The following SNX19 variants were observed in gnomAD, a reference collection of about 807,000 sequenced individuals.
SNX19 encodes the protein sorting nexin-19.
In SNX19, 60 loss-of-function variants were observed where a neutral mutation model predicts 85.2. That is an observed-to-expected ratio of 0.70 (90% CI 0.57 to 0.87). The LOEUF is 0.87. Among genes scored for constraint, SNX19 ranks in the 40% least tolerant of loss-of-function variants. The probability of loss-of-function intolerance (pLI) is 0.00; values close to 1 mark genes in which losing one functional copy is unlikely to be tolerated. For synonymous variants in SNX19, 520 were observed against 470.0 expected, an observed-to-expected ratio of 1.11 and a Z score of -1.38; for missense variants, 1,201 against 1,217.8, an observed-to-expected ratio of 0.99 and a Z score of 0.21.
At chr11:130,901,425 A>G (rs1010526836) in intron 8 of SNX19, among the ~76,000 whole-genome samples, 1 of 152,210 alleles carries the variant, frequency 6.6e-6, no homozygotes, top group African/African-American at 2.4e-5. Flanking sequence ...TGCTTAATAT[A>G]TGAAAAATGT....
At position 130,915,969 on chromosome 11, in the gene SNX19, T is replaced by G; in HGVS notation, c.-30A>C. ...GAACGGACAAGGTGGCTTCCCCAGATGACAGCCCTCAAGATTTTACTTCAG... is the reference window on the plus strand; with the variant it reads ...GAACGGACAAGGTGGCTTCCCCAGAGGACAGCCCTCAAGATTTTACTTCAG... On this transcript the variant is annotated 5_prime_UTR_variant, in exon 1 of 11. Transcript: ENST00000265909. The G allele has an allele frequency of 6.3e-7, 1 of 1,586,928 alleles. No homozygotes were observed.
intron 8 of SNX19, among the ~76,000 whole-genome samples, chr11:130,891,029 T>C (rs1346950625): frequency 6.6e-6 from 1 of 151,912 alleles, no homozygotes; most frequent in Non-Finnish European, 1.5e-5. Context: ...CAGTTCAAAA[T>C]AGGTTCTGCA....
chr11:130,895,907 G>A (rs1944846550), intron 8 of SNX19, among the ~76,000 whole-genome samples: 1 of 152,192 alleles, frequency 6.6e-6, no homozygotes, highest in African/African-American at 2.4e-5. Context: ...CATATGACAG[G>A]GGAAACTGCT....
At chr11:130,884,764 G>A (rs1421292625) in intron 8 of SNX19, among the ~76,000 whole-genome samples, 5 of 151,556 alleles carry the variant, frequency 3.3e-5, no homozygotes, top group Middle Eastern at 6.8e-3. Flanking sequence ...CCAGCTACTC[G>A]GGGAGGCTGA....
Position 130,914,322 on chromosome 11 carries a change from T to C in SNX19, c.1618A>G (p.Thr540Ala). The C allele has an allele frequency of 6.2e-7, 1 of 1,611,322 alleles. No individual in the cohort carries two copies. Among genetic ancestry groups the C allele is most frequent in the Non-Finnish European group, 8.5e-7 (1 of 1,178,600 alleles). ...IQNLRITGTI[T>A]AREHSGTGFH... ...CCAGTGCCACTGTGCTCTCGGGCTG[T>C]AATGGTGCCAGTGATACGAAGGTTC... Residue 540 changes from threonine (T) to alanine (A), a missense_variant, in exon 1 of 11, where the codon ACA (threonine) becomes GCA (alanine). Coordinates refer to ENST00000265909, the MANE Select transcript of SNX19 (RefSeq NM_014758.3).
chr11:130,887,714 GACA>G (rs1301338831), intron 8 of SNX19, among the ~76,000 whole-genome samples: 2 of 152,112 alleles, frequency 1.3e-5, no homozygotes, highest in African/African-American at 4.8e-5. Flanking sequence ...TCTTCCAAAA[GACA>G]ACATTTTGCA....
intron 8 of SNX19, among the ~76,000 whole-genome samples, chr11:130,890,596 C>A (rs1299553627): frequency 6.6e-6 from 1 of 152,134 alleles, no homozygotes; most frequent in Admixed American, 6.5e-5. Flanking sequence ...ATCATATATT[C>A]CTAATCAATC....
intron 8 of SNX19, chr11:130,893,940 T>C: frequency 1.6e-6 from 1 of 628,582 alleles, no homozygotes; most frequent in South Asian, 1.8e-5. Context: ...TGGAGAAGCC[T>C]GCAAGGACAG....
rs370151160 is a variant in SNX19, at chr11:130,895,682, C to G, written c.2573+7573G>C. 1.0e-3 allele frequency among the ~76,000 whole-genome samples: 154 copies of G among 152,272 alleles called. 1 individual carries two copies. Among genetic ancestry groups the G allele is most frequent in the African/African-American group, 3.5e-3 (147 of 41,562 alleles). On this transcript the variant is annotated intron_variant, in intron 8 of 10. Transcript: ENST00000265909. ...AACTTTTACAATGAGCAATTTTGTA[C>G]CTCTATTTGAGTATATGAGACTTCA... is the stretch of plus-strand genomic sequence containing the variant.
In SNX19 at chr11:130,915,241, G is replaced by A. The variant is rs917829280; in HGVS notation, c.699C>T (p.Thr233=). 2 of 1,614,094 alleles carry A rather than the reference G, an allele frequency of 1.2e-6. No homozygotes were observed. The highest frequency in any genetic ancestry group is 1.3e-5 in the African/African-American group (1 of 74,936). Reference sequence around the variant, plus strand: ...TGAGTTCGACCACTACATGGCGTCCGGTACGAGTCTCCAAGTGGGGCTTGG... The same window carrying A: ...TGAGTTCGACCACTACATGGCGTCCAGTACGAGTCTCCAAGTGGGGCTTGG... ...LVPKPHLETR[T]GRHVVVELIT... is the part of the protein sequence containing the mutation. The change falls in exon 1 of 11, where the codon ACC becomes ACT. Residue 233 remains threonine (T), a synonymous_variant. Transcript: ENST00000265909.
intron 6 of SNX19, 21 bp from the exon 7 acceptor site, chr11:130,906,154 T>TA: frequency 6.2e-7 from 1 of 1,609,012 alleles, no homozygotes; most frequent in South Asian, 1.1e-5. Flanking sequence ...GTCAGTGGCA[T>TA]ATCACATATG....
intron 10 of SNX19, 143 bp from the exon 11 acceptor site, chr11:130,878,697 T>G: frequency 1.9e-6 from 2 of 1,068,828 alleles, no homozygotes; most frequent in Non-Finnish European, 2.6e-6. Flanking sequence ...AAATTAATGT[T>G]TTTTGAACTA....
intron 8 of SNX19, among the ~76,000 whole-genome samples, chr11:130,897,324 C>G (rs941383295): frequency 1.3e-5 from 2 of 152,086 alleles, no homozygotes; most frequent in Non-Finnish European, 2.9e-5. Context: ...CAAGCCATTC[C>G]ATTCCCACAT....
At position 130,903,264 on chromosome 11, in the gene SNX19, A is replaced by T; in HGVS notation, c.2564T>A (p.Leu855Gln). The change falls in exon 8 of 11, where the codon CTA (leucine) becomes CAA (glutamine). Residue 855 changes from leucine (L) to glutamine (Q), a missense_variant. By Grantham distance (113) the Leu-to-Gln change is moderately radical. This residue lies in a region of SNX19 where 285 missense variants were observed against 295.3 expected (regional missense o/e 0.97). Transcript: ENST00000265909. The stretch of plus-strand genomic sequence containing the variant: ...AATTCAGCAGTCTTACCTTTGAACT[A>T]GGGTCCCAAAGATAAGACGAAGAAA... ...QKFLRLIFGT[L>Q]VQRWLEVQVA... The T allele has an allele frequency of 1.9e-6, 3 of 1,613,720 alleles. No homozygotes were observed. Among genetic ancestry groups the T allele is most frequent in the Non-Finnish European group, 2.5e-6 (3 of 1,179,686 alleles).
chr11:130,893,978 A>G (rs1001669514), intron 8 of SNX19: 1 of 581,162 alleles, frequency 1.7e-6, no homozygotes, highest in Admixed American at 3.2e-5. Flanking sequence ...AAGCAATAAC[A>G]TATGGTTGCT....
rs183896471 is a variant in SNX19, at chr11:130,873,082, C to T, written c.*5340G>A. On this transcript the variant is annotated 3_prime_UTR_variant, in exon 11 of 11. Coordinates refer to ENST00000265909, the MANE Select transcript of SNX19 (RefSeq NM_014758.3). ...CACTTTTACTAGGCCTCACTCCGGA[C>T]CTATTGAATCAAAATTTGCATTTTA... Among the ~76,000 whole-genome samples the T allele has an allele frequency of 2.0e-5, 3 of 152,148 alleles. No individual in the cohort carries two copies. The highest frequency in any genetic ancestry group is 1.5e-5 in the Non-Finnish European group (1 of 68,028).
chr11:130,913,418 C>T (rs1396217787), intron 1 of SNX19, among the ~76,000 whole-genome samples: 1 of 152,130 alleles, frequency 6.6e-6, no homozygotes, highest in Admixed American at 6.5e-5. Context: ...ACTTCCATTC[C>T]GTCTTACTTG....
intron 8 of SNX19, among the ~76,000 whole-genome samples, chr11:130,882,301 C>A (rs1322515291): frequency 1.3e-5 from 2 of 152,234 alleles, no homozygotes; most frequent in African/African-American, 4.8e-5. Context: ...TCCTGCACCA[C>A]ATGGCAGCTC....
chr11:130,915,572 TGGCTCAC>T lies in SNX19; in HGVS notation c.361_367del (p.Val121ArgfsTer13), dbSNP rs1326517910. On this transcript the variant is annotated frameshift_variant, in exon 1 of 11. Transcript: ENST00000265909. LOFTEE classifies it high-confidence loss of function. ...CATTTCTTCCTCAAAGGCTGGCTCCTGGCTCACGGAACGGTACCAAGATAACACAAAA... is the reference window on the plus strand; with the variant it reads ...CATTTCTTCCTCAAAGGCTGGCTCCTGGAACGGTACCAAGATAACACAAAA... 1 of 1,614,128 alleles carries T rather than the reference TGGCTCAC, an allele frequency of 6.2e-7. No homozygotes were observed. Among genetic ancestry groups the T allele is most frequent in the Non-Finnish European group, 8.5e-7 (1 of 1,180,040 alleles).
Sources: allele counts gnomAD v4.1 joint callset (sites outside exome capture counted in the v4.1 genomes callset), GRCh38; gene constraint gnomAD v4.1.1; regional missense constraint gnomAD v4.1.1; transcripts MANE v1.5; gene names NCBI Gene and HGNC (gene_info 2026-07-23, HGNC 2026-07-21).